The following INPP5D variants were observed in gnomAD, a reference collection of about 807,000 sequenced individuals.
The protein encoded by INPP5D is phosphatidylinositol 3,4,5-trisphosphate 5-phosphatase 1.
A neutral mutation model predicts 122.9 loss-of-function variants in INPP5D; 33 were observed. That is an observed-to-expected ratio of 0.27 (90% CI 0.20 to 0.36). INPP5D has a LOEUF of 0.36. Ranked by LOEUF, INPP5D falls within the 10% of genes least tolerant of loss-of-function variation. INPP5D has a pLI of 1.00. For missense variants in INPP5D, 1,053 were observed against 1,412.7 expected, an observed-to-expected ratio of 0.75 and a Z score of 4.08; for synonymous variants, 584 against 576.2, an observed-to-expected ratio of 1.01 and a Z score of -0.19.
At chr2:233,153,678 AG>A (rs1334598696) in intron 9 of INPP5D, among the ~76,000 whole-genome samples, 1 of 152,216 alleles carries the variant, frequency 6.6e-6, no homozygotes, top group Non-Finnish European at 1.5e-5. Flanking sequence ...AAGACAGTTC[AG>A]CCCAACAGAT....
intron 6 of INPP5D, chr2:233,140,944 T>G (rs892566823): frequency 2.0e-5 from 3 of 152,294 alleles, no homozygotes; most frequent in Middle Eastern, 3.4e-3. Flanking sequence ...ATAGCCAGTA[T>G]AGATATGAAA....
intron 2 of INPP5D, among the ~76,000 whole-genome samples, chr2:233,120,964 G>A (rs1180136913): frequency 1.3e-5 from 2 of 151,892 alleles, no homozygotes; most frequent in African/African-American, 4.8e-5. Context: ...ATTTTTTCCT[G>A]TGTTTTTTTT....
intron 1 of INPP5D, chr2:233,076,222 G>C (rs537811236): frequency 6.6e-6 from 1 of 152,332 alleles, no homozygotes; most frequent in African/African-American, 2.4e-5. Flanking sequence ...GAAGTGCCAA[G>C]GGAAGAGAGC....
intron 5 of INPP5D, chr2:233,134,190 T>C: frequency 2.8e-6 from 1 of 360,666 alleles, no homozygotes; most frequent in Non-Finnish European, 5.6e-6. Context: ...AGGAGAGTTC[T>C]GGGCTACATT....
chr2:233,106,114 A>G (rs925056522), intron 2 of INPP5D, among the ~76,000 whole-genome samples: 1 of 152,176 alleles, frequency 6.6e-6, no homozygotes, highest in East Asian at 1.9e-4. Context: ...CCCGGGGGAA[A>G]GTTTATTTTT....
At chr2:233,202,290 G>A (rs1466840839) in intron 25 of INPP5D, among the ~76,000 whole-genome samples, 3 of 152,172 alleles carry the variant, frequency 2.0e-5, no homozygotes, top group African/African-American at 4.8e-5. Context: ...TCACAGCAAC[G>A]GCCTTTGAGG....
chr2:233,063,082 C>T (rs1051285727), intron 1 of INPP5D, among the ~76,000 whole-genome samples: 1 of 152,128 alleles, frequency 6.6e-6, no homozygotes, highest in South Asian at 2.1e-4. Flanking sequence ...GCAGAGTCGC[C>T]GTGGCCTGAC....
chr2:233,104,026 T>TC (rs1349421739), intron 2 of INPP5D, among the ~76,000 whole-genome samples: 8 of 144,470 alleles, frequency 5.5e-5, no homozygotes, highest in Non-Finnish European at 1.1e-4. Flanking sequence ...TTTTTTTTTT[T>TC]TTGAGACATA....
chr2:233,080,203 T>C (rs1407814622), intron 2 of INPP5D, among the ~76,000 whole-genome samples: 2 of 152,266 alleles, frequency 1.3e-5, no homozygotes, highest in South Asian at 4.2e-4. Flanking sequence ...GTTCTGGGAT[T>C]ATAGGCATGA....
intron 9 of INPP5D, among the ~76,000 whole-genome samples, 160 bp downstream of exon 9, chr2:233,147,754 C>T (rs1693807685): frequency 6.6e-6 from 1 of 152,302 alleles, no homozygotes; most frequent in East Asian, 1.9e-4. Context: ...CTTCTCTTCC[C>T]CACCAAGACC....
At chr2:233,098,312 G>A (rs894198460) in intron 2 of INPP5D, among the ~76,000 whole-genome samples, 6 of 152,140 alleles carry the variant, frequency 3.9e-5, no homozygotes, top group African/African-American at 1.4e-4. Context: ...GTGCCCAAAT[G>A]GGACCAGCAC....
At chr2:233,123,434 C>T (rs1191514075) in intron 3 of INPP5D, among the ~76,000 whole-genome samples, 6 of 140,646 alleles carry the variant, frequency 4.3e-5, no homozygotes, top group African/African-American at 1.6e-4. Context: ...AGCCTGGCAA[C>T]AGAGGGAGAC....
chr2:233,060,384 G>A lies in INPP5D; in HGVS notation c.-95G>A. The A allele has an allele frequency of 2.1e-6, 3 of 1,403,926 alleles. No individual in the cohort carries two copies. Among genetic ancestry groups the A allele is most frequent in the Non-Finnish European group, 2.9e-6 (3 of 1,047,224 alleles). 87.0% of individuals were successfully genotyped at this position (1,403,926 alleles called of 1,614,324 possible). A position where few individuals can be genotyped will look rare whatever the true frequency, so the allele number is the denominator to read the frequency against. The stretch of plus-strand genomic sequence containing the variant: ...CAGCCGAGGCCACCAAGAGGCAACG[G>A]GCGGCAGGTTGCAGTGGAGGGGCCT... On this transcript the variant is annotated 5_prime_UTR_variant, in exon 1 of 27. Transcript: ENST00000445964.
Position 233,182,597 on chromosome 2 carries a change from A to G in INPP5D, c.2161+98A>G. The G allele has an allele frequency of 2.6e-6, 4 of 1,544,368 alleles. No individual in the cohort carries two copies. In the Admixed American group the frequency reaches 7.3e-5, roughly 28 times the overall value. On this transcript the variant is annotated intron_variant, in intron 19 of 26. Coordinates refer to ENST00000445964, the MANE Select transcript of INPP5D (RefSeq NM_001017915.3). ...GCAGTCAGTGGTCTGCATTAGAGGA[A>G]GGCTCATTTTCCCAGGCAAGTCCAC...
chr2:233,139,136 A>C (rs899535183), intron 5 of INPP5D, among the ~76,000 whole-genome samples: 5 of 152,148 alleles, frequency 3.3e-5, no homozygotes, highest in Non-Finnish European at 5.9e-5. Flanking sequence ...TACTCAATAG[A>C]CTATTTTCAA....
At chr2:233,171,909 A>G (rs1694501576) in intron 17 of INPP5D, among the ~76,000 whole-genome samples, 1 of 152,234 alleles carries the variant, frequency 6.6e-6, no homozygotes, top group Non-Finnish European at 1.5e-5. Context: ...GGCCCACTAG[A>G]AGCCTAGGGC....
At chr2:233,125,182 G>C (rs1693120836) in intron 3 of INPP5D, among the ~76,000 whole-genome samples, 2 of 152,246 alleles carry the variant, frequency 1.3e-5, no homozygotes. Context: ...TCTGAGTGAA[G>C]GGAACCCCCT....
chr2:233,157,515 T>A (rs972324322), intron 9 of INPP5D, among the ~76,000 whole-genome samples: 5 of 152,230 alleles, frequency 3.3e-5, no homozygotes, highest in African/African-American at 1.2e-4. Context: ...GGCTGGTCTG[T>A]CAATAGCATT....
intron 18 of INPP5D, among the ~76,000 whole-genome samples, chr2:233,181,470 CT>C (rs1454049016): frequency 3.3e-5 from 5 of 152,152 alleles, no homozygotes; most frequent in African/African-American, 9.7e-5. Flanking sequence ...ATGCTCAGGT[CT>C]TCTGCTTCCA....
Sources: gnomAD v4.1 joint callset for allele counts (sites outside exome capture counted in the v4.1 genomes callset) on GRCh38, gnomAD v4.1.1 for gene constraint, MANE v1.5 for transcripts, NCBI Gene and HGNC (gene_info 2026-07-23, HGNC 2026-07-21) for gene names.